Variants in NRXN3 observed in about 807,000 individuals in gnomAD.
NRXN3 encodes the protein neurexin III.
A neutral mutation model predicts 137.6 loss-of-function variants in NRXN3; 32 were observed. The observed-to-expected ratio is 0.23, with a 90% confidence interval of 0.18 to 0.31. The LOEUF is 0.31. NRXN3 is among the 10% of genes least tolerant of loss of function. The pLI is 1.00. For synonymous variants in NRXN3, 798 were observed against 784.5 expected, an observed-to-expected ratio of 1.02 and a Z score of -0.29; for missense variants, 1,574 against 2,062.5, an observed-to-expected ratio of 0.76 and a Z score of 4.59.
intron 19 of NRXN3, among the ~76,000 whole-genome samples, chr14:79,711,280 A>G (rs906629194): frequency 2.0e-5 from 3 of 152,178 alleles, no homozygotes; most frequent in Non-Finnish European, 4.4e-5. Context: ...CAACCAGATG[A>G]GCTTCAGAGA....
At chr14:78,455,011 T>C (rs2094651785) in intron 4 of NRXN3, among the ~76,000 whole-genome samples, 1 of 152,208 alleles carries the variant, frequency 6.6e-6, no homozygotes, top group Non-Finnish European at 1.5e-5. Context: ...TTGGCCTTGA[T>C]GCTCACCCAG....
At chr14:78,439,540 T>C (rs2094177437) in intron 4 of NRXN3, among the ~76,000 whole-genome samples, 1 of 152,178 alleles carries the variant, frequency 6.6e-6, no homozygotes, top group Non-Finnish European at 1.5e-5. Flanking sequence ...ACGCAGCTAG[T>C]AAGTGGTTGA....
chr14:78,326,830 C>T (rs992678484), intron 4 of NRXN3, among the ~76,000 whole-genome samples: 1 of 151,400 alleles, frequency 6.6e-6, no homozygotes, highest in Non-Finnish European at 1.5e-5. Context: ...GTGGAGGAGA[C>T]ATGCAGTGTG....
intron 1 of NRXN3, among the ~76,000 whole-genome samples, chr14:78,175,108 G>A (rs1462624857): frequency 4.6e-5 from 7 of 152,140 alleles, no homozygotes; most frequent in Admixed American, 2.6e-4. Context: ...ACTACCGGAC[G>A]CCATTTTCCC....
At chr14:79,348,438 C>T (rs994292206) in intron 15 of NRXN3, among the ~76,000 whole-genome samples, 10 of 149,876 alleles carry the variant, frequency 6.7e-5, no homozygotes, top group Admixed American at 6.0e-4. Context: ...TGCAGTGGCG[C>T]GATCTCTGCC....
At chr14:79,443,441 C>A (rs1293805649) in intron 15 of NRXN3, among the ~76,000 whole-genome samples, 1 of 151,968 alleles carries the variant, frequency 6.6e-6, no homozygotes, top group Non-Finnish European at 1.5e-5. Context: ...AAATGATGGC[C>A]AAATAGCTGT....
At chr14:78,347,095 G>A (rs901249076) in intron 4 of NRXN3, among the ~76,000 whole-genome samples, 2 of 152,200 alleles carry the variant, frequency 1.3e-5, no homozygotes, top group African/African-American at 2.4e-5. Context: ...CTGAAGTTAC[G>A]TTCACAGCAT....
intron 6 of NRXN3, among the ~76,000 whole-genome samples, chr14:78,684,663 A>G (rs1475748165): frequency 2.6e-5 from 4 of 151,870 alleles, no homozygotes; most frequent in Non-Finnish European, 5.9e-5. Flanking sequence ...GCATGGTGGA[A>G]TACACCTGTA....
chr14:78,405,822 C>G lies in NRXN3; in HGVS notation c.757+107962C>G, dbSNP rs2092450425. 2.0e-5 allele frequency among the ~76,000 whole-genome samples: 3 copies of G among 152,174 alleles called. No individual in the cohort carries two copies. In the South Asian group the frequency reaches 6.2e-4, roughly 32 times the overall value. On this transcript the variant is annotated intron_variant, in intron 4 of 20. Coordinates refer to ENST00000335750, the MANE Select transcript of NRXN3 (RefSeq NM_001330195.2). ...TCAACTATGTGTACGGCATGGAATT[C>G]TTGGCATACTCAGGGTGTCAAACCC...
At chr14:79,803,250 A>G (rs2099188900) in intron 19 of NRXN3, among the ~76,000 whole-genome samples, 1 of 152,170 alleles carries the variant, frequency 6.6e-6, no homozygotes, top group South Asian at 2.1e-4. Context: ...CTATTTAAAA[A>G]AAGGATGTTT....
chr14:79,376,214 G>GTATATATATA (rs1159913935), intron 15 of NRXN3, among the ~76,000 whole-genome samples: 5 of 71,098 alleles, frequency 7.0e-5, no homozygotes, highest in African/African-American at 1.1e-4. Flanking sequence ...GTGTGTGTAT[G>GTATATATATA]TATATATATA....
chr14:78,690,442 A>G (rs11629205), intron 6 of NRXN3, among the ~76,000 whole-genome samples: 77,097 of 152,048 alleles, frequency 0.51, 23,464 homozygotes, highest in Non-Finnish European at 0.66. Context: ...CTTACATGAT[A>G]TCCATATTTC....
chr14:78,677,517 T>C (rs1567038376), intron 6 of NRXN3, among the ~76,000 whole-genome samples: 1 of 152,120 alleles, frequency 6.6e-6, no homozygotes, highest in Admixed American at 6.6e-5. Flanking sequence ...AGTTGCTTCT[T>C]ATGGATTTGC....
At position 78,754,314 on chromosome 14, in the gene NRXN3, C is replaced by T. The variant is rs118180408; in HGVS notation, c.2044+39175C>T. On this transcript the variant is annotated intron_variant, in intron 8 of 20. Coordinates refer to ENST00000335750, the MANE Select transcript of NRXN3 (RefSeq NM_001330195.2). ...ACAAGGCTCTGTACCAGTTGGCCTC[C>T]GTTTCTTTGTTCAGCCCCAGTCCTG... Among the ~76,000 whole-genome samples, 1,125 of 152,220 alleles carry T rather than the reference C, an allele frequency of 7.4e-3. 9 individuals carry two copies. Among genetic ancestry groups the T allele is most frequent in the Non-Finnish European group, 0.011 (773 of 68,002 alleles).
intron 15 of NRXN3, among the ~76,000 whole-genome samples, chr14:79,378,186 G>T (rs1290791888): frequency 1.3e-5 from 2 of 152,176 alleles, no homozygotes; most frequent in Non-Finnish European, 2.9e-5. Flanking sequence ...CATTTGACAT[G>T]CAAAGATCTT....
chr14:79,851,810 C>T (rs1356246352), intron 20 of NRXN3, among the ~76,000 whole-genome samples: 2 of 152,158 alleles, frequency 1.3e-5, no homozygotes, highest in African/African-American at 2.4e-5. Context: ...TCTCCGTGTG[C>T]ATACATGTGA....
chr14:79,090,386 C>G (rs953819035), intron 15 of NRXN3, among the ~76,000 whole-genome samples: 8 of 152,138 alleles, frequency 5.3e-5, no homozygotes, highest in African/African-American at 1.9e-4. Flanking sequence ...GGCTATCATA[C>G]ATAGCAAGTT....
At chr14:79,379,673 T>G (rs1261049063) in intron 15 of NRXN3, among the ~76,000 whole-genome samples, 1 of 152,140 alleles carries the variant, frequency 6.6e-6, no homozygotes, top group African/African-American at 2.4e-5. Context: ...ATTAACCATT[T>G]TCTTTTGTCA....
chr14:78,263,572 A>AT (rs150771850), intron 2 of NRXN3, among the ~76,000 whole-genome samples: 4,326 of 152,000 alleles, frequency 0.028, 101 homozygotes, highest in African/African-American at 0.064. Flanking sequence ...ACCATTCCTT[A>AT]TTTTTTCAAT....
Sources: allele counts gnomAD v4.1 joint callset (sites outside exome capture counted in the v4.1 genomes callset), GRCh38; gene constraint gnomAD v4.1.1; transcripts MANE v1.5; gene names NCBI Gene and HGNC (gene_info 2026-07-23, HGNC 2026-07-21).